EYS: variants seen among roughly 807,000 people sequenced by gnomAD.
EYS encodes the protein protein eyes shut homolog.
A neutral mutation model predicts 282.1 loss-of-function variants in EYS; 250 were observed. The observed-to-expected ratio is 0.89, with a 90% confidence interval of 0.80 to 0.98. EYS has a LOEUF of 0.98. EYS is among the 50% of genes least tolerant of loss of function. The pLI is 0.00. For synonymous variants in EYS, 1,355 were observed against 1,282.9 expected, an observed-to-expected ratio of 1.06 and a Z score of -1.20; for missense variants, 4,016 against 3,709.0, an observed-to-expected ratio of 1.08 and a Z score of -2.15.
At chr6:64,641,877 A>G (rs1018421121) in intron 22 of EYS, among the ~76,000 whole-genome samples, 1 of 152,104 alleles carries the variant, frequency 6.6e-6, no homozygotes, top group African/African-American at 2.4e-5. Flanking sequence ...TGTGAATCTA[A>G]TGCCTGATGA....
In EYS at chr6:65,019,993, GAGAGT is replaced by G. The variant is rs537401112; in HGVS notation, c.2138-22295_2138-22291del. On this transcript the variant is annotated intron_variant, in intron 13 of 42. Transcript: ENST00000503581. Reference sequence around the variant, plus strand: ...TCAGTCACTATCATGAGAACGGCAAGAGAGTAACCCACCCCCATGATTCAATTACC... The same window carrying G: ...TCAGTCACTATCATGAGAACGGCAAGAACCCACCCCCATGATTCAATTACC... Among the ~76,000 whole-genome samples the G allele has an allele frequency of 1.3e-3, 193 of 152,188 alleles. 2 individuals are homozygous for G. Among genetic ancestry groups the G allele is most frequent in the African/African-American group, 4.4e-3 (183 of 41,518 alleles).
intron 1 of EYS, among the ~76,000 whole-genome samples, chr6:65,673,546 T>C (rs951447961): frequency 1.3e-5 from 2 of 152,036 alleles, no homozygotes; most frequent in African/African-American, 4.8e-5. Flanking sequence ...GCGTAAGTTT[T>C]TGGGCTCTAT....
intron 29 of EYS, among the ~76,000 whole-genome samples, chr6:64,316,336 A>G (rs1447063701): frequency 6.6e-6 from 1 of 152,174 alleles, no homozygotes; most frequent in Non-Finnish European, 1.5e-5. Context: ...TCAGCCCAAA[A>G]TCTCCAGAAG....
intron 33 of EYS, among the ~76,000 whole-genome samples, chr6:64,006,524 G>T (rs182314907): frequency 2.4e-4 from 36 of 152,200 alleles, no homozygotes; most frequent in East Asian, 1.7e-3. Flanking sequence ...CCAGTACTAT[G>T]TTGGATGAAA....
At chr6:64,098,839 G>A (rs1014608620) in intron 31 of EYS, among the ~76,000 whole-genome samples, 4 of 151,960 alleles carry the variant, frequency 2.6e-5, no homozygotes, top group Non-Finnish European at 4.4e-5. Context: ...TCCTGACCTC[G>A]TGATCCATTC....
At chr6:65,497,427 G>A (rs1269734113) in intron 2 of EYS, among the ~76,000 whole-genome samples, 1 of 152,010 alleles carries the variant, frequency 6.6e-6, no homozygotes, top group Non-Finnish European at 1.5e-5. Flanking sequence ...AAGGAAAAAT[G>A]TTCCAGGAGA....
At chr6:64,503,231 A>T (rs1777107382) in intron 26 of EYS, among the ~76,000 whole-genome samples, 1 of 152,176 alleles carries the variant, frequency 6.6e-6, no homozygotes, top group South Asian at 2.1e-4. Flanking sequence ...TTGGCAGTTA[A>T]ATTCTCCTGG....
chr6:63,985,555 G>A (rs185640244), intron 34 of EYS, among the ~76,000 whole-genome samples: 357 of 151,700 alleles, frequency 2.4e-3, no homozygotes, highest in African/African-American at 8.0e-3. Flanking sequence ...AAATGTTACC[G>A]TTTCCTTTCT....
intron 19 of EYS, among the ~76,000 whole-genome samples, chr6:64,882,048 T>C (rs1184770376): frequency 2.0e-5 from 3 of 151,790 alleles, no homozygotes; most frequent in African/African-American, 7.2e-5. Flanking sequence ...ATAAAGGCAA[T>C]TTTATAATGA....
At chr6:64,388,231 C>A (rs1772976366) in intron 29 of EYS, among the ~76,000 whole-genome samples, 1 of 152,002 alleles carries the variant, frequency 6.6e-6, no homozygotes, top group Non-Finnish European at 1.5e-5. Flanking sequence ...AGTGGGCTGG[C>A]ATGTGGGAAA....
chr6:64,065,216 A>G (rs2149854746), intron 33 of EYS, among the ~76,000 whole-genome samples: 1 of 152,274 alleles, frequency 6.6e-6, no homozygotes, highest in East Asian at 1.9e-4. Flanking sequence ...TGATTTTCAG[A>G]CTGATGCAGT....
intron 23 of EYS, among the ~76,000 whole-genome samples, chr6:64,618,813 A>G (rs1477575188): frequency 6.6e-6 from 1 of 152,176 alleles, no homozygotes; most frequent in Non-Finnish European, 1.5e-5. Context: ...TCTACTGAAG[A>G]GGCTGTAAAA....
chr6:63,939,414 G>A (rs1042854518), intron 35 of EYS, among the ~76,000 whole-genome samples: 2 of 152,140 alleles, frequency 1.3e-5, no homozygotes, highest in African/African-American at 4.8e-5. Context: ...TAACGGGGTT[G>A]GGAAAGTGTT....
At chr6:63,932,437 T>C (rs1443492875) in intron 35 of EYS, among the ~76,000 whole-genome samples, 1 of 152,224 alleles carries the variant, frequency 6.6e-6, no homozygotes, top group Non-Finnish European at 1.5e-5. Context: ...CTCTTTTCTT[T>C]TCTTCCTGGA....
intron 8 of EYS, among the ~76,000 whole-genome samples, chr6:65,368,629 TG>T (rs1765011975): frequency 6.6e-6 from 1 of 151,778 alleles, no homozygotes; most frequent in African/African-American, 2.4e-5. Flanking sequence ...AGCACATTGT[TG>T]TTTGCTTATT....
At chr6:64,353,979 G>A (rs79370334) in intron 29 of EYS, among the ~76,000 whole-genome samples, 4,729 of 151,626 alleles carry the variant, frequency 0.031, 234 homozygotes, top group African/African-American at 0.11. Context: ...GTGAGCCACC[G>A]GAGGTTAGCT....
intron 26 of EYS, among the ~76,000 whole-genome samples, chr6:64,501,484 G>A (rs909053168): frequency 6.6e-6 from 1 of 151,416 alleles, no homozygotes. Flanking sequence ...ATATATCTCT[G>A]ATCATTGAAA....
At chr6:64,774,401 T>G (rs1372982824) in intron 22 of EYS, among the ~76,000 whole-genome samples, 1 of 151,930 alleles carries the variant, frequency 6.6e-6, no homozygotes, top group African/African-American at 2.4e-5. Context: ...TTATCTCCAC[T>G]CAATCTGGGA....
chr6:64,343,869 G>C (rs1473278602), intron 29 of EYS, among the ~76,000 whole-genome samples: 1 of 152,060 alleles, frequency 6.6e-6, no homozygotes, highest in Admixed American at 6.6e-5. Flanking sequence ...AAATGATAAA[G>C]GGGATATCAC....
Sources: allele counts gnomAD v4.1 joint callset (sites outside exome capture counted in the v4.1 genomes callset), GRCh38; gene constraint gnomAD v4.1.1; transcripts MANE v1.5; gene names NCBI Gene and HGNC (gene_info 2026-07-23, HGNC 2026-07-21).